PDGFRL: variants seen among roughly 807,000 people sequenced by gnomAD.
PDGFRL encodes platelet-derived growth factor receptor-like protein.
PDGFRL carries 46 observed loss-of-function variants against 37.2 expected under a neutral mutation model. The ratio of observed to expected loss-of-function variants is 1.24; its 90% CI spans 0.98 to 1.58. The LOEUF is 1.58. Among genes scored for constraint, PDGFRL ranks in the 40% most tolerant of loss-of-function variants. The pLI, the probability that PDGFRL is intolerant of heterozygous loss-of-function variation, is 0.00. For synonymous variants in PDGFRL, 251 were observed against 184.3 expected, an observed-to-expected ratio of 1.36 and a Z score of -2.93; for missense variants, 692 against 467.6, an observed-to-expected ratio of 1.48 and a Z score of -4.43.
intron 4 of PDGFRL, among the ~76,000 whole-genome samples, chr8:17,629,489 C>T (rs113757173): frequency 2.4e-4 from 37 of 152,274 alleles, no homozygotes; most frequent in African/African-American, 8.9e-4. Context: ...TCAAGGCTGG[C>T]ATCCTTCTTG....
chr8:17,608,704 G>A (rs747945326), intron 2 of PDGFRL, among the ~76,000 whole-genome samples: 8 of 152,188 alleles, frequency 5.3e-5, no homozygotes, highest in Non-Finnish European at 1.0e-4. Flanking sequence ...TAGTCCCAAC[G>A]ACAAGCAGCT....
At chr8:17,617,219 A>G (rs1430031954) in intron 2 of PDGFRL, among the ~76,000 whole-genome samples, 6 of 151,882 alleles carry the variant, frequency 4.0e-5, no homozygotes, top group African/African-American at 1.5e-4. Flanking sequence ...CAGGGCTAGA[A>G]CTCCTAGTTT....
intron 5 of PDGFRL, among the ~76,000 whole-genome samples, chr8:17,641,900 C>CGCCCCCCCCACCCCCCCCCACCCCCT (rs1423751750): frequency 7.4e-6 from 1 of 135,142 alleles, no homozygotes; most frequent in African/African-American, 3.0e-5. Context: ...TAGAGGTCCC[C>CGCCCCCCCCACCCCCCCCCACCCCCT]GCCACATTGC....
chr8:17,629,720 C>A (rs1451219396), intron 4 of PDGFRL, among the ~76,000 whole-genome samples: 2 of 152,182 alleles, frequency 1.3e-5, no homozygotes, highest in African/African-American at 4.8e-5. Context: ...CTCATCCGTT[C>A]CACCTCAGAT....
chr8:17,588,025 G>T (rs902324428), intron 1 of PDGFRL, among the ~76,000 whole-genome samples: 2 of 152,146 alleles, frequency 1.3e-5, no homozygotes, highest in African/African-American at 2.4e-5. Flanking sequence ...ACCACAGGCA[G>T]AACAGTGGGG....
At position 17,628,732 on chromosome 8, in the gene PDGFRL, G is replaced by A. The variant is rs1220398524; in HGVS notation, c.751G>A (p.Gly251Arg). 7 of 1,612,838 alleles carry A rather than the reference G, an allele frequency of 4.3e-6. No homozygotes were observed. Among genetic ancestry groups the A allele is most frequent in the Non-Finnish European group, 5.9e-6 (7 of 1,178,930 alleles). Residue 251 changes from glycine to arginine, a missense_variant, in exon 4 of 6, where the codon GGG becomes AGG. Gly to Arg is a moderately radical substitution (Grantham distance 125). Transcript: ENST00000251630. ...TGTGGTTTACTGCAGGGCGGAGGCC[G>A]GGGGCAGATCTCAGATCTCCGTCAA... The part of the protein sequence containing the change: ...QGVVYCRAEA[G>R]GRSQISVKYQ...
At chr8:17,610,877 C>T (rs970027657) in intron 2 of PDGFRL, among the ~76,000 whole-genome samples, 2 of 152,192 alleles carry the variant, frequency 1.3e-5, no homozygotes, top group African/African-American at 4.8e-5. Flanking sequence ...CACCACTGCA[C>T]TCCAGCCTGG....
intron 3 of PDGFRL, among the ~76,000 whole-genome samples, chr8:17,628,229 C>T (rs938221144): frequency 4.0e-5 from 6 of 151,434 alleles, no homozygotes; most frequent in Non-Finnish European, 5.9e-5. Flanking sequence ...CTCCTGACCT[C>T]GTGATCTGCC....
chr8:17,619,303 T>C lies in PDGFRL; in HGVS notation c.354-1748T>C, dbSNP rs555972949. Among the ~76,000 whole-genome samples the C allele has an allele frequency of 1.5e-4, 23 of 152,348 alleles. 1 individual carries two copies. The highest frequency in any genetic ancestry group is 1.5e-3 in the Admixed American group (23 of 15,304). On this transcript the variant is annotated intron_variant, in intron 2 of 5. Transcript: ENST00000251630. Reference sequence around the variant, plus strand: ...GTGAGGATGATAAATCTGATACATCTGGATTTGTGCCACAATATAATAGAA... The same window carrying C: ...GTGAGGATGATAAATCTGATACATCCGGATTTGTGCCACAATATAATAGAA...
intron 3 of PDGFRL, among the ~76,000 whole-genome samples, chr8:17,623,307 A>C (rs571305274): frequency 6.6e-6 from 1 of 152,306 alleles, no homozygotes; most frequent in South Asian, 2.1e-4. Flanking sequence ...AATTGCTAAT[A>C]ATTGTTCATA....
chr8:17,631,870 G>A (rs1343898258), intron 4 of PDGFRL, among the ~76,000 whole-genome samples: 1 of 152,156 alleles, frequency 6.6e-6, no homozygotes, highest in Non-Finnish European at 1.5e-5. Context: ...TGCTCCCCCA[G>A]GCACCCTTCT....
chr8:17,590,453 T>A (rs1001763523), intron 2 of PDGFRL, among the ~76,000 whole-genome samples: 1 of 152,038 alleles, frequency 6.6e-6, no homozygotes, highest in Non-Finnish European at 1.5e-5. Context: ...GGCTCATGCC[T>A]GTAATCCCAG....
At chr8:17,598,680 A>G (rs533894031) in intron 2 of PDGFRL, among the ~76,000 whole-genome samples, 7 of 152,250 alleles carry the variant, frequency 4.6e-5, no homozygotes, top group African/African-American at 1.4e-4. Context: ...TCAGAGCCTG[A>G]TATGGTTTGG....
At chr8:17,619,095 T>C (rs13258423) in intron 2 of PDGFRL, among the ~76,000 whole-genome samples, 8,446 of 152,272 alleles carry the variant, frequency 0.055, 226 homozygotes, top group African/African-American at 0.069. Context: ...CTATGCTAAA[T>C]GTAAACTGGT....
chr8:17,581,057 C>T (rs755957694), intron 1 of PDGFRL, among the ~76,000 whole-genome samples: 5 of 152,068 alleles, frequency 3.3e-5, no homozygotes, highest in Non-Finnish European at 7.4e-5. Flanking sequence ...GCAAAGACTC[C>T]ATTCCTCAAT....
At chr8:17,634,285 G>C in intron 5 of PDGFRL, 72 bp downstream of exon 5, 1 of 1,267,516 alleles carries the variant, frequency 7.9e-7, no homozygotes, top group Non-Finnish European at 1.1e-6. Context: ...TTAATTCACA[G>C]CTTCGTCCCC....
chr8:17,632,144 C>G (rs551848691), intron 4 of PDGFRL, among the ~76,000 whole-genome samples: 1 of 152,310 alleles, frequency 6.6e-6, no homozygotes, highest in Admixed American at 6.5e-5. Context: ...CGGCTGGAAG[C>G]CAAGCTAACC....
intron 2 of PDGFRL, among the ~76,000 whole-genome samples, chr8:17,611,865 G>A (rs1389444270): frequency 6.6e-6 from 1 of 152,208 alleles, no homozygotes; most frequent in African/African-American, 2.4e-5. Flanking sequence ...GGAGAAATGA[G>A]AGAGTCAATG....
intron 5 of PDGFRL, 33 bp downstream of exon 5, chr8:17,634,246 T>C (rs1349692033): frequency 2.6e-6 from 4 of 1,555,418 alleles, no homozygotes; most frequent in Non-Finnish European, 3.5e-6. Flanking sequence ...AGCCCCTGCG[T>C]CTCAGCCTCT....
Sources: gnomAD v4.1 joint callset for allele counts (sites outside exome capture counted in the v4.1 genomes callset) on GRCh38, gnomAD v4.1.1 for gene constraint, MANE v1.5 for transcripts, NCBI Gene and HGNC (gene_info 2026-07-23, HGNC 2026-07-21) for gene names.